The following MALRD1 variants were observed in gnomAD, a reference collection of about 807,000 sequenced individuals.
MALRD1 encodes MAM and LDL receptor class A domain containing 1.
Under a neutral mutation model 242.1 loss-of-function variants are expected in MALRD1, and 247 were observed. The observed-to-expected ratio is 1.02, with a 90% confidence interval of 0.92 to 1.13. MALRD1 has a LOEUF of 1.13. MALRD1 is among the 50% of genes most tolerant of loss of function. MALRD1 has a pLI of 0.00. For missense variants in MALRD1, 2,989 were observed against 2,533.1 expected (o/e 1.18, Z -3.86); for synonymous variants, 995 against 866.6 (o/e 1.15, Z -2.60).
intron 1 of MALRD1, among the ~76,000 whole-genome samples, chr10:19,061,143 G>T (rs560698845): frequency 2.2e-4 from 33 of 152,158 alleles, no homozygotes; most frequent in Non-Finnish European, 3.7e-4. Context: ...TCAGGAGGGA[G>T]AGCATCAGGA....
rs750457871 is a variant in MALRD1, at chr10:19,556,116, G to C, written c.5479-11386G>C. Among the ~76,000 whole-genome samples, 9 of 152,076 alleles carry C rather than the reference G, an allele frequency of 5.9e-5. No individual in the cohort carries two copies. In the South Asian group the frequency reaches 6.2e-4, roughly 10 times the overall value. On this transcript the variant is annotated intron_variant, in intron 32 of 39. Transcript: ENST00000454679. ...AAAATTTACTTTTAAACATTAAACA[G>C]CTTTATTATTGGAGCAGTTTTAGGT... is the stretch of plus-strand genomic sequence containing the variant.
rs1350708534 is a variant in MALRD1, at chr10:19,315,062, TAAATATGTAAATATAATTTATAG to T, written c.3420-8795_3420-8773del. Among the ~76,000 whole-genome samples, 170 of 127,152 alleles carry T rather than the reference TAAATATGTAAATATAATTTATAG, an allele frequency of 1.3e-3. 7 individuals are homozygous for T. The highest frequency in any genetic ancestry group is 1.8e-3 in the Non-Finnish European group (114 of 62,296). 83.4% of individuals were successfully genotyped at this position (127,152 alleles called of 152,430 possible). A position where few individuals can be genotyped will look rare whatever the true frequency, so the allele number is the denominator to read the frequency against. ...TATAAATATGTAAATATAATTTATA[TAAATATGTAAATATAATTTATAG>T]AAATATGTAAATATAATTTATAGAA... On this transcript the variant is annotated intron_variant, in intron 21 of 39. Coordinates refer to ENST00000454679, the MANE Select transcript of MALRD1 (RefSeq NM_001142308.3).
At chr10:19,331,235 T>C (rs191127028) in intron 23 of MALRD1, 134 bp from the exon 24 acceptor site, 12 of 800,814 alleles carry the variant, frequency 1.5e-5, no homozygotes, top group African/African-American at 5.3e-5. Flanking sequence ...CATAGGGACA[T>C]AAAAAACAAA....
chr10:19,237,867 ATAGAATTTTATATAGTTATATACAT>A (rs1415019844), intron 18 of MALRD1, among the ~76,000 whole-genome samples: 4 of 105,476 alleles, frequency 3.8e-5, no homozygotes, highest in African/African-American at 1.5e-4. Flanking sequence ...ATATAATTAT[ATAGAATTTTATATAGTTATATACAT>A]TATAAATAAT....
rs79462845 is a variant in MALRD1, at chr10:19,211,557, C to T, written c.2991+1877C>T. Among the ~76,000 whole-genome samples, 1,460 of 151,376 alleles carry T rather than the reference C, an allele frequency of 9.6e-3. 24 individuals are homozygous for T. The highest frequency in any genetic ancestry group is 0.033 in the African/African-American group (1,351 of 41,244). On this transcript the variant is annotated intron_variant, in intron 18 of 39. Coordinates refer to ENST00000454679, the MANE Select transcript of MALRD1 (RefSeq NM_001142308.3). ...AAAATAGAAAACAATTAGCCAGGCACGCACCTGTAATCCCAGCTACTTGGG... is the reference window on the plus strand; with the variant it reads ...AAAATAGAAAACAATTAGCCAGGCATGCACCTGTAATCCCAGCTACTTGGG...
At chr10:19,390,102 A>G (rs1846274716) in intron 28 of MALRD1, among the ~76,000 whole-genome samples, 3 of 152,208 alleles carry the variant, frequency 2.0e-5, no homozygotes, top group Admixed American at 2.0e-4. Context: ...TTTGAGTTCA[A>G]CATCATATCC....
intron 33 of MALRD1, among the ~76,000 whole-genome samples, chr10:19,593,296 T>A (rs540945310): frequency 6.6e-6 from 1 of 152,282 alleles, no homozygotes; most frequent in East Asian, 1.9e-4. Context: ...TCTACAAACA[T>A]AGGCTCCCTA....
intron 24 of MALRD1, among the ~76,000 whole-genome samples, chr10:19,341,514 G>T (rs1384677742): frequency 7.7e-6 from 1 of 129,182 alleles, no homozygotes; most frequent in African/African-American, 3.0e-5. Context: ...ATATATATGT[G>T]TGTATATATG....
chr10:19,477,054 C>T (rs1406918569), intron 29 of MALRD1, among the ~76,000 whole-genome samples: 1 of 151,996 alleles, frequency 6.6e-6, no homozygotes, highest in Non-Finnish European at 1.5e-5. Flanking sequence ...TTTTTTCATT[C>T]CAGTGGAAAC....
chr10:19,574,328 A>G (rs1836698736), intron 33 of MALRD1, among the ~76,000 whole-genome samples: 1 of 152,216 alleles, frequency 6.6e-6, no homozygotes, highest in Non-Finnish European at 1.5e-5. Context: ...TAAGCATTCA[A>G]TAAGTATGTT....
intron 36 of MALRD1, among the ~76,000 whole-genome samples, chr10:19,654,142 T>A (rs1206498459): frequency 6.6e-6 from 1 of 152,174 alleles, no homozygotes; most frequent in African/African-American, 2.4e-5. Flanking sequence ...ACAAAATGAT[T>A]TATCACCTCC....
intron 33 of MALRD1, among the ~76,000 whole-genome samples, chr10:19,575,871 A>G (rs887950911): frequency 6.6e-6 from 1 of 152,164 alleles, no homozygotes; most frequent in African/African-American, 2.4e-5. Context: ...CACATAACTG[A>G]TATATCTAAT....
In MALRD1 at chr10:19,476,282, A is replaced by G. The variant is rs370384061; in HGVS notation, c.5030-15235A>G. Among the ~76,000 whole-genome samples the G allele has an allele frequency of 3.9e-5, 6 of 152,104 alleles. No homozygotes were observed. In the East Asian group the frequency reaches 9.7e-4, roughly 24 times the overall value. On this transcript the variant is annotated intron_variant, in intron 29 of 39. Transcript: ENST00000454679. ...GTTTTAGTACAGCATTCAGTCCCAA[A>G]TGGAATAGTCCTGTTATTCTGTCTT...
chr10:19,661,336 G>A (rs968340077), intron 36 of MALRD1, among the ~76,000 whole-genome samples: 12 of 152,112 alleles, frequency 7.9e-5, no homozygotes, highest in South Asian at 6.2e-4. Flanking sequence ...ACATGCACAC[G>A]TATGTTTATT....
chr10:19,619,461 G>C (rs1215506541), intron 36 of MALRD1, among the ~76,000 whole-genome samples: 1 of 151,848 alleles, frequency 6.6e-6, no homozygotes, highest in Non-Finnish European at 1.5e-5. Context: ...AATTTGTTTT[G>C]CCCAACTTTT....
At chr10:19,483,788 AAAG>A (rs1408062752) in intron 29 of MALRD1, among the ~76,000 whole-genome samples, 1 of 152,142 alleles carries the variant, frequency 6.6e-6, no homozygotes, top group East Asian at 1.9e-4. Context: ...ATTCAAAAGA[AAAG>A]AAATATTTCT....
intron 19 of MALRD1, among the ~76,000 whole-genome samples, chr10:19,274,136 A>G (rs1379462602): frequency 6.6e-6 from 1 of 152,244 alleles, no homozygotes; most frequent in Non-Finnish European, 1.5e-5. Flanking sequence ...ATACATATCC[A>G]AAATAATTCA....
chr10:19,303,667 A>G (rs987987685), intron 21 of MALRD1, among the ~76,000 whole-genome samples: 1 of 151,782 alleles, frequency 6.6e-6, no homozygotes, highest in Non-Finnish European at 1.5e-5. Context: ...TCTATAATAC[A>G]TTAACTTATT....
intron 2 of MALRD1, among the ~76,000 whole-genome samples, chr10:19,072,909 C>CCTT (rs1835198727): frequency 6.6e-6 from 1 of 151,762 alleles, no homozygotes; most frequent in Non-Finnish European, 1.5e-5. Flanking sequence ...TTTTCACTTA[C>CCTT]CTTCCCCCCC....
Sources: allele counts gnomAD v4.1 joint callset (sites outside exome capture counted in the v4.1 genomes callset), GRCh38; gene constraint gnomAD v4.1.1; transcripts MANE v1.5; gene names NCBI Gene and HGNC (gene_info 2026-07-23, HGNC 2026-07-21).